SYCP2L: variants seen among roughly 807,000 people sequenced by gnomAD.
SYCP2L encodes synaptonemal complex protein 2-like.
SYCP2L carries 98 observed loss-of-function variants against 125.8 expected under a neutral mutation model. The observed-to-expected ratio is 0.78, with a 90% confidence interval of 0.66 to 0.92. The LOEUF is 0.92. Ranked by LOEUF, SYCP2L falls within the 40% of genes least tolerant of loss-of-function variation. The pLI is 0.00. For synonymous variants in SYCP2L, 317 were observed against 325.4 expected (o/e 0.97, Z 0.28); for missense variants, 842 against 936.4 (o/e 0.90, Z 1.32).
chr6:10,956,308 A>G (rs1481020801), intron 25 of SYCP2L, 66 bp downstream of exon 25: 1 of 1,225,034 alleles, frequency 8.2e-7, no homozygotes, highest in Non-Finnish European at 1.2e-6. Context: ...GCTAAGTGAA[A>G]TAAGCCAGAC....
At position 10,927,333 on chromosome 6, in the gene SYCP2L, C is replaced by T; in HGVS notation, c.1406C>T (p.Pro469Leu). Residue 469 changes from proline to leucine, a missense_variant, in exon 17 of 30, where the codon CCA becomes CTA. Pro to Leu is a moderately conservative substitution (Grantham distance 98). Transcript: ENST00000283141. ...ITLHLNDQSEPPVIGEPASDS... is the reference protein window; with the variant it reads ...ITLHLNDQSELPVIGEPASDS... ...CTCCACTTAAATGACCAATCTGAGC[C>T]ACCTGTTATTGGGGAACCTGCCTCT... 6.2e-7 allele frequency: 1 copy of T among 1,613,980 alleles called. No individual in the cohort carries two copies. The highest frequency in any genetic ancestry group is 1.3e-5 in the African/African-American group (1 of 75,044).
intron 6 of SYCP2L, among the ~76,000 whole-genome samples, chr6:10,900,510 G>A (rs1180952237): frequency 6.6e-6 from 1 of 152,038 alleles, no homozygotes; most frequent in East Asian, 1.9e-4. Context: ...GTGCCACCAC[G>A]CCTGGCTAAT....
intron 4 of SYCP2L, among the ~76,000 whole-genome samples, chr6:10,897,279 G>A (rs1581815842): frequency 6.6e-6 from 1 of 152,084 alleles, no homozygotes; most frequent in East Asian, 1.9e-4. Flanking sequence ...TAGGCCTGAG[G>A]CATATTTACT....
intron 8 of SYCP2L, among the ~76,000 whole-genome samples, chr6:10,905,019 A>G (rs904038363): frequency 6.6e-6 from 1 of 151,290 alleles, no homozygotes; most frequent in Non-Finnish European, 1.5e-5. Context: ...GGGCACCTGT[A>G]ATCCCAGCTA....
rs764463736 is a variant in SYCP2L at position 10,961,519 on chromosome 6, C to A, written c.2375C>A (p.Ser792Tyr). 1.2e-6 allele frequency: 2 copies of A among 1,614,144 alleles called. No individual in the cohort carries two copies. The highest frequency in any genetic ancestry group is 1.7e-6 in the Non-Finnish European group (2 of 1,180,008). ...KEVLEFWGKQSADLQSFCDLQ... is the reference protein window; with the variant it reads ...KEVLEFWGKQYADLQSFCDLQ... ...TCTTAGGAATTCTGGGGGAAACAGT[C>A]TGCTGATCTGCAATCTTTCTGTGAT... The change falls in exon 28 of 30, where the codon TCT becomes TAT. Residue 792 changes from serine to tyrosine, a missense_variant. By Grantham distance (144) the Ser-to-Tyr change is moderately radical. Coordinates refer to ENST00000283141, the MANE Select transcript of SYCP2L (RefSeq NM_001040274.3).
At chr6:10,895,851 TCTA>T (rs1164597901) in intron 4 of SYCP2L, among the ~76,000 whole-genome samples, 2 of 151,764 alleles carry the variant, frequency 1.3e-5, no homozygotes, top group Non-Finnish European at 2.9e-5. Context: ...CGGAAGTTCT[TCTA>T]CTACATAGAA....
Position 10,929,946 on chromosome 6 carries a change from AAG to A in SYCP2L, c.1489-422_1489-421del, listed in dbSNP as rs1413663391. 2.0e-5 allele frequency: 3 copies of A among 151,154 alleles called. No individual in the cohort carries two copies. In the East Asian group the frequency reaches 5.7e-4, roughly 29 times the overall value. The allele number at this position is 151,154 out of a possible 1,614,324, so 9.4% of individuals were successfully genotyped here. ...TAGGGTGAGACTCCATCTCAAAAAA[AAG>A]AAAAAAGAAAAAGAAATAACTCTCC... On this transcript the variant is annotated intron_variant, in intron 18 of 29. Transcript: ENST00000283141.
At chr6:10,896,808 G>C (rs1561679858) in intron 4 of SYCP2L, among the ~76,000 whole-genome samples, 1 of 152,266 alleles carries the variant, frequency 6.6e-6, no homozygotes, top group East Asian at 1.9e-4. Context: ...ACTGGGTCTG[G>C]GATAGGTCCC....
intron 29 of SYCP2L, among the ~76,000 whole-genome samples, chr6:10,967,454 G>GGGGTGTGTGTGT (rs56098075): frequency 0.056 from 7,816 of 138,798 alleles, 388 homozygotes; most frequent in South Asian, 0.11. Context: ...TGGGGTAGAG[G>GGGGTGTGTGTGT]GTGTGTGTGT....
chr6:10,952,262 C>T (rs1212115839), intron 23 of SYCP2L, among the ~76,000 whole-genome samples: 2 of 152,310 alleles, frequency 1.3e-5, no homozygotes, highest in African/African-American at 4.8e-5. Context: ...GGAGCCTGTG[C>T]TCTCTGGAGA....
intron 29 of SYCP2L, among the ~76,000 whole-genome samples, chr6:10,969,554 C>T (rs1308730171): frequency 2.0e-5 from 3 of 151,392 alleles, no homozygotes; most frequent in Non-Finnish European, 2.9e-5. Flanking sequence ...TTAGTAGAGA[C>T]GGGGTTTCAC....
chr6:10,901,128 T>A (rs1780369809), intron 6 of SYCP2L, among the ~76,000 whole-genome samples: 2 of 152,252 alleles, frequency 1.3e-5, no homozygotes, highest in Non-Finnish European at 2.9e-5. Context: ...AATCACAGTT[T>A]ATCCCTCTCT....
chr6:10,932,094 T>C (rs563448216), intron 20 of SYCP2L, among the ~76,000 whole-genome samples: 116 of 152,134 alleles, frequency 7.6e-4, no homozygotes, highest in African/African-American at 2.6e-3. Context: ...ATTTACTCTT[T>C]TGAATTTATG....
chr6:10,958,421 G>T (rs999972954), intron 25 of SYCP2L, among the ~76,000 whole-genome samples: 2 of 152,058 alleles, frequency 1.3e-5, no homozygotes, highest in African/African-American at 4.8e-5. Context: ...GTCATGACTC[G>T]CTGTTGTGAG....
chr6:10,928,713 T>A (rs1411792988), intron 18 of SYCP2L, among the ~76,000 whole-genome samples: 1 of 152,114 alleles, frequency 6.6e-6, no homozygotes, highest in Non-Finnish European at 1.5e-5. Context: ...TATTTTAAAA[T>A]TTTTTATAGA....
chr6:10,963,009 T>G (rs575387849), intron 28 of SYCP2L, among the ~76,000 whole-genome samples: 3 of 152,326 alleles, frequency 2.0e-5, no homozygotes, highest in African/African-American at 7.2e-5. Flanking sequence ...CACACTGTGT[T>G]AAGCACTAGA....
chr6:10,956,664 T>C (rs117943712), intron 25 of SYCP2L, among the ~76,000 whole-genome samples: 1 of 152,186 alleles, frequency 6.6e-6, no homozygotes, highest in Non-Finnish European at 1.5e-5. Flanking sequence ...GGTCTCACTA[T>C]GTTGCCTAGG....
chr6:10,891,611 CTCT>C lies in SYCP2L; in HGVS notation c.78+31_78+33del. ...AGATCAAGTTTCTTTTATAATCTCT[CTCT>C]GTGTGTGTGTGTGTGTGTGTGTGTG... On this transcript the variant is annotated intron_variant, in intron 2 of 29. Coordinates refer to ENST00000283141, the MANE Select transcript of SYCP2L (RefSeq NM_001040274.3). 12 of 129,910 alleles carry C rather than the reference CTCT, an allele frequency of 9.2e-5. 2 individuals are homozygous for C. The highest frequency in any genetic ancestry group is 2.7e-4 in the African/African-American group (6 of 22,268). The allele number at this position is 129,910 out of a possible 1,614,324, so 8.0% of individuals were successfully genotyped here. A position where few individuals can be genotyped will look rare whatever the true frequency, so the allele number is the denominator to read the frequency against.
At chr6:10,972,220 GA>G (rs1392321404) in intron 29 of SYCP2L, among the ~76,000 whole-genome samples, 3 of 151,722 alleles carry the variant, frequency 2.0e-5, no homozygotes, top group African/African-American at 7.3e-5. Flanking sequence ...CATTATTGAG[GA>G]AAAAAATACT....
Sources: allele counts gnomAD v4.1 joint callset (sites outside exome capture counted in the v4.1 genomes callset), GRCh38; gene constraint gnomAD v4.1.1; transcripts MANE v1.5; gene names NCBI Gene and HGNC (gene_info 2026-07-23, HGNC 2026-07-21).